GRAMD4: variants seen among roughly 807,000 people sequenced by gnomAD.
GRAMD4 encodes GRAM domain-containing protein 4.
GRAMD4 carries 25 observed loss-of-function variants against 83.9 expected under a neutral mutation model. That is an observed-to-expected ratio of 0.30 (90% confidence interval 0.22 to 0.42). The LOEUF (loss-of-function observed/expected upper bound fraction) is 0.42. Among genes scored for constraint, GRAMD4 ranks in the 10% least tolerant of loss-of-function variants. GRAMD4 has a pLI of 1.00. For missense variants in GRAMD4, 593 were observed against 788.7 expected (o/e 0.75, Z 2.97); for synonymous variants, 336 against 320.9 (o/e 1.05, Z -0.50).
At chr22:46,617,057 CGT>C (rs1569263480), upstream of GRAMD4, among the ~76,000 whole-genome samples, 1 of 94,662 alleles carries the variant, frequency 1.1e-5, no homozygotes, top group Admixed American at 1.1e-4. Context: ...TGGGTTCCCC[CGT>C]GTGTAGGTTC....
chr22:46,656,728 G>A (rs897890339), intron 3 of GRAMD4, among the ~76,000 whole-genome samples: 3 of 152,262 alleles, frequency 2.0e-5, no homozygotes, highest in African/African-American at 7.2e-5. Context: ...CCCTGCCCAA[G>A]AACCTGGGTG....
chr22:46,669,678 T>G (rs755843094), intron 13 of GRAMD4, among the ~76,000 whole-genome samples: 102 of 151,474 alleles, frequency 6.7e-4, no homozygotes, highest in African/African-American at 1.0e-3. Flanking sequence ...CGGGTTCAAG[T>G]GATTCTCCTG....
chr22:46,607,205 A>AGGGGGG (rs569194023), intron 1 of GRAMD4, among the ~76,000 whole-genome samples: 102 of 108,950 alleles, frequency 9.4e-4, no homozygotes, highest in African/African-American at 2.9e-3. Flanking sequence ...GTCTTTAAAA[A>AGGGGGG]GGGGGGGGTC....
chr22:46,582,616 G>C (rs2081109182), intron 1 of GRAMD4, among the ~76,000 whole-genome samples: 1 of 152,182 alleles, frequency 6.6e-6, no homozygotes, highest in African/African-American at 2.4e-5. Flanking sequence ...TGGGACCCTG[G>C]CTCGGGTCTG....
chr22:46,576,573 G>T (rs1278766223), upstream of GRAMD4, among the ~76,000 whole-genome samples: 2 of 152,220 alleles, frequency 1.3e-5, no homozygotes, highest in African/African-American at 4.8e-5. Context: ...GGCGCGCCAG[G>T]TACTGCGCGA....
At chr22:46,671,267 A>G (rs116891941) in intron 13 of GRAMD4, 29,416 of 247,982 alleles carry the variant, frequency 0.12, 2,023 homozygotes, top group South Asian at 0.18. Flanking sequence ...AGTTGTCCGG[A>G]CACGGTGGCT....
At chr22:46,589,302 G>A (rs1258600493) in intron 1 of GRAMD4, among the ~76,000 whole-genome samples, 1 of 145,144 alleles carries the variant, frequency 6.9e-6, no homozygotes, top group Admixed American at 6.9e-5. Flanking sequence ...TGGGTGTGGG[G>A]GCAGCTCTGA....
At chr22:46,641,304 C>G (rs2081972222) in intron 3 of GRAMD4, among the ~76,000 whole-genome samples, 1 of 152,130 alleles carries the variant, frequency 6.6e-6, no homozygotes, top group South Asian at 2.1e-4. Context: ...AACTGTTGAC[C>G]TCAGGTGATC....
chr22:46,644,697 GT>G (rs71192437), intron 3 of GRAMD4, among the ~76,000 whole-genome samples: 9 of 97,358 alleles, frequency 9.2e-5, no homozygotes, highest in African/African-American at 1.6e-4. Context: ...CTTGTTCCCT[GT>G]TTTTTTTTTT....
chr22:46,675,138 C>T (rs963673145), intron 16 of GRAMD4, among the ~76,000 whole-genome samples: 9 of 152,166 alleles, frequency 5.9e-5, no homozygotes, highest in Non-Finnish European at 8.8e-5. Context: ...AGAGCAGTGG[C>T]TGTGAATGTC....
chr22:46,663,370 G>T (rs2082359547), intron 6 of GRAMD4, among the ~76,000 whole-genome samples, 198 bp downstream of exon 6: 1 of 152,244 alleles, frequency 6.6e-6, no homozygotes, highest in South Asian at 2.1e-4. Context: ...CTTAGGTGCA[G>T]CAGAGCTGCA....
At chr22:46,650,692 G>T (rs530025332) in intron 3 of GRAMD4, among the ~76,000 whole-genome samples, 1 of 152,344 alleles carries the variant, frequency 6.6e-6, no homozygotes, top group South Asian at 2.1e-4. Flanking sequence ...TAGCCTCTGT[G>T]GGGGCGATTT....
intron 2 of GRAMD4, among the ~76,000 whole-genome samples, chr22:46,636,465 A>G (rs978438707): frequency 6.6e-6 from 1 of 152,244 alleles, no homozygotes; most frequent in Admixed American, 6.5e-5. Context: ...AGCCACAGCC[A>G]GAGTGCCCTG....
At chr22:46,601,892 G>T (rs1201387385) in intron 1 of GRAMD4, among the ~76,000 whole-genome samples, 1 of 152,182 alleles carries the variant, frequency 6.6e-6, no homozygotes, top group Non-Finnish European at 1.5e-5. Context: ...GCTCCTGATG[G>T]CTTCAGCCCC....
At chr22:46,661,689 C>T (rs1381397486) in intron 5 of GRAMD4, among the ~76,000 whole-genome samples, 1 of 152,242 alleles carries the variant, frequency 6.6e-6, no homozygotes, top group Non-Finnish European at 1.5e-5. Flanking sequence ...AATTTCCAGT[C>T]ACTCAACTAA....
At chr22:46,630,559 C>G (rs1342794574) in intron 2 of GRAMD4, among the ~76,000 whole-genome samples, 1 of 152,218 alleles carries the variant, frequency 6.6e-6, no homozygotes, top group Non-Finnish European at 1.5e-5. Flanking sequence ...CCTGGAGGGG[C>G]AGGTTCAGAC....
chr22:46,613,078 G>T (rs970325286), intron 1 of GRAMD4, among the ~76,000 whole-genome samples: 1 of 152,238 alleles, frequency 6.6e-6, no homozygotes, highest in Non-Finnish European at 1.5e-5. Flanking sequence ...TGCCTCCCCA[G>T]CGCCTGTGGT....
chr22:46,663,928 G>A, intron 7 of GRAMD4, 65 bp downstream of exon 7: 3 of 1,591,352 alleles, frequency 1.9e-6, no homozygotes, highest in Non-Finnish European at 2.6e-6. Context: ...ATGGCGGTGG[G>A]GACTCTGGGA....
intron 13 of GRAMD4, among the ~76,000 whole-genome samples, chr22:46,669,338 A>T (rs1353312753): frequency 6.6e-6 from 1 of 152,118 alleles, no homozygotes; most frequent in Admixed American, 6.5e-5. Context: ...ACGTGAAGCC[A>T]AGGGTCTCAT....
Sources: gnomAD v4.1 joint callset for allele counts (sites outside exome capture counted in the v4.1 genomes callset) on GRCh38, gnomAD v4.1.1 for gene constraint, MANE v1.5 for transcripts, NCBI Gene and HGNC (gene_info 2026-07-23, HGNC 2026-07-21) for gene names.